The following MAD2L1BP variants were observed in gnomAD, a reference collection of about 807,000 sequenced individuals.
MAD2L1BP encodes MAD2L1-binding protein.
MAD2L1BP carries 22 observed loss-of-function variants against 28.4 expected under a neutral mutation model. The ratio of observed to expected loss-of-function variants is 0.77; its 90% CI spans 0.55 to 1.10. MAD2L1BP has a LOEUF of 1.10. Among genes scored for constraint, MAD2L1BP ranks in the 50% least tolerant of loss-of-function variants. The pLI, the probability that MAD2L1BP is intolerant of heterozygous loss-of-function variation, is 0.00. For missense variants in MAD2L1BP, 325 were observed against 350.5 expected (o/e 0.93, Z 0.58); for synonymous variants, 146 against 133.7 (o/e 1.09, Z -0.63).
chr6:43,630,843 A>G (rs893784635), upstream of MAD2L1BP, among the ~76,000 whole-genome samples: 3 of 134,888 alleles, frequency 2.2e-5, no homozygotes, highest in African/African-American at 8.5e-5. Context: ...CGGGAGGTAG[A>G]GGTTATAGTG....
intron 2 of MAD2L1BP, among the ~76,000 whole-genome samples, chr6:43,637,965 A>T (rs1023469690): frequency 3.3e-5 from 5 of 151,570 alleles, no homozygotes; most frequent in African/African-American, 1.2e-4. Flanking sequence ...CAGTGGAGCG[A>T]TCTCGGCTCA....
chr6:43,630,680 T>G (rs371469685), intron 1 of MAD2L1BP, among the ~76,000 whole-genome samples: 1 of 149,674 alleles, frequency 6.7e-6, no homozygotes, highest in African/African-American at 2.5e-5. Context: ...GAGGCGGAGG[T>G]TGCAGTGACC....
chr6:43,637,512 A>G (rs1349371693), intron 2 of MAD2L1BP, among the ~76,000 whole-genome samples: 5 of 148,396 alleles, frequency 3.4e-5, no homozygotes, highest in Non-Finnish European at 7.5e-5. Context: ...TGCAACCCCA[A>G]TCTCCCAGGT....
upstream of MAD2L1BP, among the ~76,000 whole-genome samples, chr6:43,632,377 C>G (rs1053094862): frequency 4.0e-5 from 6 of 151,612 alleles, no homozygotes; most frequent in African/African-American, 1.5e-4. Flanking sequence ...TCCACTTCAG[C>G]CCCCCAGGTA....
chr6:43,636,687 G>A, intron 2 of MAD2L1BP, 41 bp downstream of exon 2: 1 of 1,596,418 alleles, frequency 6.3e-7, no homozygotes, highest in Non-Finnish European at 8.6e-7. Flanking sequence ...GGAAGACTTT[G>A]TGGCTCTTAG....
chr6:43,633,397 C>G (rs1261212510), upstream of MAD2L1BP: 6 of 291,042 alleles, frequency 2.1e-5, no homozygotes, highest in Non-Finnish European at 4.1e-5. Context: ...GTCTCAAACT[C>G]CCGACCTCAG....
In MAD2L1BP at chr6:43,640,809, A is replaced by G. The variant is rs1770517531; in HGVS notation, c.*276A>G. ...CATTTCTATTAGGAGTTGGAAAGCA[A>G]AAATGGGTCCATAGACACTCTATGG... On this transcript the variant is annotated 3_prime_UTR_variant, in exon 3 of 3. Transcript: ENST00000372171. The G allele has an allele frequency of 2.5e-6, 1 of 396,846 alleles. No individual in the cohort carries two copies. The highest frequency in any genetic ancestry group is 4.5e-6 in the Non-Finnish European group (1 of 221,086). The allele number at this position is 396,846 out of a possible 1,614,324, so 24.6% of individuals were successfully genotyped here.
chr6:43,629,782 G>A, intron 1 of MAD2L1BP: 1 of 1,563,906 alleles, frequency 6.4e-7, no homozygotes, highest in Non-Finnish European at 8.7e-7. Flanking sequence ...GAGTCAGGGC[G>A]AACGCCAGGG....
At chr6:43,629,970 C>T (rs1267734833) in intron 1 of MAD2L1BP, among the ~76,000 whole-genome samples, 1 of 152,250 alleles carries the variant, frequency 6.6e-6, no homozygotes, top group Non-Finnish European at 1.5e-5. Flanking sequence ...AGCTTCCTCC[C>T]CGAAGGCTGC....
exon 1 of MAD2L1BP, chr6:43,629,726 G>A: frequency 6.4e-7 from 1 of 1,551,370 alleles, no homozygotes; most frequent in Non-Finnish European, 8.7e-7. Flanking sequence ...TGCTGGCTCC[G>A]CCTCTGCCTC....
intron 1 of MAD2L1BP, chr6:43,629,915 G>A (rs1769791080): frequency 9.4e-7 from 1 of 1,067,844 alleles, no homozygotes; most frequent in Non-Finnish European, 1.3e-6. Flanking sequence ...TTTAATAACC[G>A]GAGGCACCGC....
intron 2 of MAD2L1BP, among the ~76,000 whole-genome samples, chr6:43,639,444 T>A (rs2127868199): frequency 6.6e-6 from 1 of 152,332 alleles, no homozygotes; most frequent in South Asian, 2.1e-4. Flanking sequence ...CAGCCAACTC[T>A]TCATCTTCTA....
rs577591302 is a variant in MAD2L1BP, at chr6:43,637,748, G to A, written c.312+1102G>A. 1.4e-4 allele frequency among the ~76,000 whole-genome samples: 22 copies of A among 151,922 alleles called. No individual in the cohort carries two copies. In the South Asian group the frequency reaches 2.7e-3, roughly 19 times the overall value. On this transcript the variant is annotated intron_variant, in intron 2 of 2. Transcript: ENST00000372171. ...TGAGTACCTGGGATTATAGGCATGC[G>A]CCACCATGTCCAGCTAATTTTTGTA...
upstream of MAD2L1BP, among the ~76,000 whole-genome samples, chr6:43,633,729 A>G (rs1770050216): frequency 1.3e-5 from 2 of 148,744 alleles, no homozygotes; most frequent in South Asian, 4.3e-4. Flanking sequence ...TTGGTTTTGG[A>G]GGCAGGGTCT....
At chr6:43,632,136 T>G (rs1170080306), upstream of MAD2L1BP, among the ~76,000 whole-genome samples, 1 of 151,248 alleles carries the variant, frequency 6.6e-6, no homozygotes, top group Non-Finnish European at 1.5e-5. Context: ...CCAACCTCAG[T>G]TGATCCGCCT....
Position 43,640,118 on chromosome 6 carries a change from A to G in MAD2L1BP, c.410A>G (p.His137Arg). The G allele has an allele frequency of 6.2e-7, 1 of 1,609,134 alleles. No individual in the cohort carries two copies. Among genetic ancestry groups the G allele is most frequent in the Middle Eastern group, 1.7e-4 (1 of 6,040 alleles). ...GCAGAACTGGAGAGTGTCCTCAGCC[A>G]CCTGGAGGACTTCTTTGCACGGACA... ...ALAELESVLS[H>R]LEDFFARTLV... The change falls in exon 3 of 3, where the codon CAC becomes CGC. Residue 137 changes from histidine (H) to arginine (R), a missense_variant. By Grantham distance (29) the His-to-Arg change is conservative. Coordinates refer to ENST00000372171, the MANE Select transcript of MAD2L1BP (RefSeq NM_014628.3).
At chr6:43,636,026 C>T (rs1770197334) in intron 1 of MAD2L1BP, 105 bp downstream of exon 1, 2 of 1,193,680 alleles carry the variant, frequency 1.7e-6, no homozygotes, top group African/African-American at 1.5e-5. Context: ...AGCCCGTCTT[C>T]CCTGTCTTCC....
At chr6:43,634,072 A>G (rs1467857123), upstream of MAD2L1BP, among the ~76,000 whole-genome samples, 1 of 152,044 alleles carries the variant, frequency 6.6e-6, no homozygotes. Context: ...GCATTCCTAA[A>G]TATCTCTATT....
rs547994901 is a variant in MAD2L1BP, at chr6:43,639,977, C to T, written c.313-44C>T. On this transcript the variant is annotated intron_variant, in intron 2 of 2. Coordinates refer to ENST00000372171, the MANE Select transcript of MAD2L1BP (RefSeq NM_014628.3). ...GGTTCTTTTCAAAGAGCATTAGCTT[C>T]CCCCTGCCTTGTTCTTCTCTCCCAC... The T allele has an allele frequency of 4.7e-6, 7 of 1,497,492 alleles. No homozygotes were observed. In the South Asian group the frequency reaches 9.6e-5, roughly 20 times the overall value. 92.8% of individuals were successfully genotyped at this position (1,497,492 alleles called of 1,614,324 possible). A position where few individuals can be genotyped will look rare whatever the true frequency, so the allele number is the denominator to read the frequency against.
Sources: gnomAD v4.1 joint callset for allele counts (sites outside exome capture counted in the v4.1 genomes callset) on GRCh38, gnomAD v4.1.1 for gene constraint, MANE v1.5 for transcripts, NCBI Gene and HGNC (gene_info 2026-07-23, HGNC 2026-07-21) for gene names.